Variants in TEAD4 observed in about 807,000 individuals in gnomAD.
TEAD4 encodes transcriptional enhancer factor TEF-3.
In TEAD4, 36 loss-of-function variants were observed where a neutral mutation model predicts 52.4. That is an observed-to-expected ratio of 0.69 (90% CI 0.53 to 0.91). The LOEUF (loss-of-function observed/expected upper bound fraction) is 0.91, where lower values mean the gene tolerates loss of function less well. TEAD4 is among the 40% of genes least tolerant of loss of function. The pLI, the probability that TEAD4 is intolerant of heterozygous loss-of-function variation, is 0.00. For synonymous variants in TEAD4, 220 were observed against 231.0 expected (o/e 0.95, Z 0.43); for missense variants, 508 against 583.9 (o/e 0.87, Z 1.34).
chr12:2,987,041 AG>A (rs1313129794), intron 2 of TEAD4, among the ~76,000 whole-genome samples: 1 of 152,168 alleles, frequency 6.6e-6, no homozygotes, highest in Non-Finnish European at 1.5e-5. Flanking sequence ...GAGAGAGCCG[AG>A]GAGGTGGAAC....
intron 3 of TEAD4, among the ~76,000 whole-genome samples, chr12:3,002,465 C>T (rs143624606): frequency 0.011 from 1,615 of 152,298 alleles, 16 homozygotes; most frequent in Non-Finnish European, 0.013. Context: ...TTTACATTCC[C>T]GCCAGCAATG....
rs778713076 is a variant in TEAD4 at position 2,994,744 on chromosome 12, C to T, written c.-23C>T. ...GTGGTTCCTGTCCCCACAGGTCCAA[C>T]GAGCGCTCCTCCAAGCGGAGCCTTG... On this transcript the variant is annotated 5_prime_UTR_variant, in exon 3 of 13. In the 5' UTR this introduces an upstream ATG that the reference lacks. Transcript: ENST00000359864. The surrounding 1 kb of genome is among the most constrained non-coding windows in gnomAD (Gnocchi z 4.7). 8 of 1,581,706 alleles carry T rather than the reference C, an allele frequency of 5.1e-6. No homozygotes were observed. The highest frequency in any genetic ancestry group is 1.2e-5 in the South Asian group (1 of 86,110).
intron 2 of TEAD4, among the ~76,000 whole-genome samples, chr12:2,979,222 C>A (rs2098232268): frequency 6.6e-6 from 1 of 152,128 alleles, no homozygotes; most frequent in Admixed American, 6.5e-5. Context: ...GGTCTCATTC[C>A]TTTTTAAGGT....
chr12:3,015,757 G>A (rs573275508), intron 5 of TEAD4, among the ~76,000 whole-genome samples: 1 of 152,226 alleles, frequency 6.6e-6, no homozygotes, highest in South Asian at 2.1e-4. Context: ...CTGGGCTGAG[G>A]CCATCCTCCT....
chr12:3,010,165 G>C (rs552798043), intron 3 of TEAD4, among the ~76,000 whole-genome samples: 1 of 152,338 alleles, frequency 6.6e-6, no homozygotes, highest in South Asian at 2.1e-4. Flanking sequence ...CACCCAGCCC[G>C]AACTGGCCCC....
chr12:3,004,660 C>T (rs990027002), intron 3 of TEAD4, among the ~76,000 whole-genome samples: 2 of 152,138 alleles, frequency 1.3e-5, no homozygotes, highest in Admixed American at 6.5e-5. Context: ...TTGTGAGGAT[C>T]GAAAGGGTGA....
intron 2 of TEAD4, among the ~76,000 whole-genome samples, chr12:2,985,973 G>A (rs538551236): frequency 3.9e-5 from 6 of 152,148 alleles, no homozygotes; most frequent in African/African-American, 1.4e-4. Context: ...TGTAATCCCA[G>A]CTACTGGGGA....
At chr12:2,968,859 T>G (rs890736273) in intron 2 of TEAD4, among the ~76,000 whole-genome samples, 8 of 152,154 alleles carry the variant, frequency 5.3e-5, no homozygotes, top group African/African-American at 1.9e-4. Context: ...TATCTTTATT[T>G]TGCCCAGGCT....
chr12:3,015,033 T>G (rs1011733145), intron 5 of TEAD4, among the ~76,000 whole-genome samples: 10 of 152,148 alleles, frequency 6.6e-5, no homozygotes, highest in African/African-American at 2.2e-4. Flanking sequence ...ACACTTAGAC[T>G]TACTAGTTAG....
At chr12:2,964,498 C>T (rs1413171382) in intron 2 of TEAD4, among the ~76,000 whole-genome samples, 1 of 150,408 alleles carries the variant, frequency 6.6e-6, no homozygotes, top group Non-Finnish European at 1.5e-5. Flanking sequence ...GCTTTTGTTG[C>T]CCAGGCTGGA....
chr12:2,961,112 G>C (rs1341128818), intron 2 of TEAD4, among the ~76,000 whole-genome samples: 1 of 152,124 alleles, frequency 6.6e-6, no homozygotes, highest in Admixed American at 6.6e-5. Context: ...GGTTTGTCGG[G>C]GTGGATCCCC....
intron 2 of TEAD4, among the ~76,000 whole-genome samples, chr12:2,965,533 G>A (rs7976977): frequency 0.65 from 98,802 of 151,966 alleles, 32,480 homozygotes; most frequent in African/African-American, 0.74. Flanking sequence ...AAACCCTAGT[G>A]TTATCAAAAA....
intron 2 of TEAD4, among the ~76,000 whole-genome samples, chr12:2,966,380 G>A (rs2098220215): frequency 6.6e-6 from 1 of 151,680 alleles, no homozygotes; most frequent in Admixed American, 6.6e-5. Flanking sequence ...AGGAGCCTGT[G>A]TGGCCTGTGT....
At chr12:2,993,145 C>A (rs1030550328) in intron 2 of TEAD4, among the ~76,000 whole-genome samples, 2 of 152,134 alleles carry the variant, frequency 1.3e-5, no homozygotes, top group Admixed American at 6.5e-5. Context: ...CCATCCTAAC[C>A]CTCTTGAAGT....
chr12:2,964,047 G>A (rs2098218113), intron 2 of TEAD4, among the ~76,000 whole-genome samples: 1 of 152,072 alleles, frequency 6.6e-6, no homozygotes, highest in Non-Finnish European at 1.5e-5. Flanking sequence ...AGGGTTGGGG[G>A]CAGTGCAGAG....
At chr12:2,978,444 A>G (rs1434038850) in intron 2 of TEAD4, among the ~76,000 whole-genome samples, 2 of 147,674 alleles carry the variant, frequency 1.4e-5, no homozygotes, top group African/African-American at 5.0e-5. Context: ...CACTTTACTC[A>G]CTTTATTGCC....
chr12:3,018,448 C>A (rs1337318631), intron 6 of TEAD4, 97 bp from the exon 7 acceptor site: 3 of 1,437,906 alleles, frequency 2.1e-6, no homozygotes, highest in Non-Finnish European at 2.9e-6. Context: ...GCCTCTCCTC[C>A]CAGTGGAGGC....
chr12:3,027,596 A>T (rs1180276236), intron 10 of TEAD4, among the ~76,000 whole-genome samples: 1 of 152,142 alleles, frequency 6.6e-6, no homozygotes, highest in Non-Finnish European at 1.5e-5. Flanking sequence ...GTCAGGCGTG[A>T]TGGCATGTGC....
At chr12:3,005,216 G>A (rs961146398) in intron 3 of TEAD4, among the ~76,000 whole-genome samples, 4 of 152,224 alleles carry the variant, frequency 2.6e-5, no homozygotes, top group Non-Finnish European at 5.9e-5. Flanking sequence ...AGGCTGGGGC[G>A]GGCATGACGG....
Sources: allele counts gnomAD v4.1 joint callset (sites outside exome capture counted in the v4.1 genomes callset), GRCh38; gene constraint gnomAD v4.1.1; non-coding constraint Gnocchi (gnomAD v3.1); transcripts MANE v1.5; gene names NCBI Gene and HGNC (gene_info 2026-07-23, HGNC 2026-07-21).